Variants in CA6 observed in about 807,000 individuals in gnomAD.
The protein encoded by CA6 is carbonic anhydrase 6.
In CA6, 28 loss-of-function variants were observed where a neutral mutation model predicts 35.9. The ratio of observed to expected loss-of-function variants is 0.78; its 90% CI spans 0.58 to 1.07. CA6 has a LOEUF of 1.07. Ranked by LOEUF, CA6 falls within the 50% of genes least tolerant of loss-of-function variation. The pLI is 0.00. For missense variants in CA6, 377 were observed against 382.0 expected (o/e 0.99, Z 0.11); for synonymous variants, 148 against 152.6 (o/e 0.97, Z 0.22).
intron 7 of CA6, 181 bp from the exon 8 acceptor site, chr1:8,974,441 C>G (rs1396713080): frequency 6.5e-7 from 1 of 1,527,286 alleles, no homozygotes; most frequent in Non-Finnish European, 8.7e-7. Context: ...GCTTAGAAGC[C>G]TGAGTTCAAA....
intron 1 of CA6, among the ~76,000 whole-genome samples, chr1:8,949,056 G>A (rs1248774210): frequency 1.3e-5 from 2 of 152,050 alleles, no homozygotes; most frequent in African/African-American, 4.8e-5. Context: ...TTAGAGGTTA[G>A]CACCAAAGCC....
Position 8,962,578 on chromosome 1 carries a change from T to C in CA6, c.502-9T>C. On this transcript the variant is annotated splice_polypyrimidine_tract_variant and intron_variant, in intron 4 of 7. Coordinates refer to ENST00000377443, the MANE Select transcript of CA6 (RefSeq NM_001215.4). The stretch of plus-strand genomic sequence containing the variant: ...TCACTTACGCTCAGTGCTCTGTGTT[T>C]CTCTGCAGGTGAAGAATTACCCTGA... The C allele has an allele frequency of 1.9e-6, 3 of 1,611,806 alleles. No individual in the cohort carries two copies. The East Asian group carries it at 6.7e-5, about 36-fold the overall frequency.
intron 2 of CA6, among the ~76,000 whole-genome samples, chr1:8,949,864 G>A (rs1249392386): frequency 6.6e-6 from 1 of 152,134 alleles, no homozygotes; most frequent in East Asian, 1.9e-4. Flanking sequence ...GTTTCTCAGA[G>A]TTTTAAGAAG....
At chr1:8,964,534 C>T (rs1639922639) in intron 5 of CA6, among the ~76,000 whole-genome samples, 1 of 149,874 alleles carries the variant, frequency 6.7e-6, no homozygotes, top group South Asian at 2.1e-4. Flanking sequence ...GCATGAGCCA[C>T]CGTGCCCGGT....
At chr1:8,971,888 T>C (rs956708391) in intron 7 of CA6, among the ~76,000 whole-genome samples, 3 of 152,194 alleles carry the variant, frequency 2.0e-5, no homozygotes, top group Non-Finnish European at 4.4e-5. Context: ...AGAGTGTAAA[T>C]ATTTCACAGC....
intron 4 of CA6, among the ~76,000 whole-genome samples, chr1:8,961,191 A>G (rs1033483091): frequency 6.6e-5 from 10 of 152,226 alleles, no homozygotes; most frequent in Non-Finnish European, 1.3e-4. Flanking sequence ...TACAAGTCAT[A>G]TATAAGGATG....
At chr1:8,955,098 C>T (rs1639639747) in intron 2 of CA6, among the ~76,000 whole-genome samples, 1 of 128,626 alleles carries the variant, frequency 7.8e-6, no homozygotes, top group Non-Finnish European at 1.8e-5. Context: ...ATATATTGCC[C>T]AGGTGCCGTG....
At chr1:8,973,770 TTC>T (rs1329365313) in intron 7 of CA6, among the ~76,000 whole-genome samples, 15 of 19,730 alleles carry the variant, frequency 7.6e-4, no homozygotes, top group African/African-American at 2.3e-3. Flanking sequence ...CTTTCTTTCT[TTC>T]TTTCTTTCTT....
intron 4 of CA6, among the ~76,000 whole-genome samples, chr1:8,962,383 C>T (rs2124172862): frequency 6.6e-6 from 1 of 152,220 alleles, no homozygotes; most frequent in Non-Finnish European, 1.5e-5. Context: ...TCAGATAATG[C>T]CTTTCTGGAA....
At chr1:8,954,394 A>G (rs1474272877) in intron 2 of CA6, among the ~76,000 whole-genome samples, 4 of 152,116 alleles carry the variant, frequency 2.6e-5, no homozygotes, top group African/African-American at 9.7e-5. Context: ...TGAACTCCTG[A>G]CCTCAAGTGA....
chr1:8,948,094 C>T (rs143543370), intron 1 of CA6, among the ~76,000 whole-genome samples: 2,139 of 152,156 alleles, frequency 0.014, 76 homozygotes, highest in African/African-American at 0.049. Context: ...GTGATCCACC[C>T]GCCTCGGCCT....
At chr1:8,953,710 G>T (rs899454827) in intron 2 of CA6, among the ~76,000 whole-genome samples, 3 of 152,156 alleles carry the variant, frequency 2.0e-5, no homozygotes, top group African/African-American at 7.2e-5. Context: ...ATTACCAAGA[G>T]CTTGCTTGAT....
intron 3 of CA6, among the ~76,000 whole-genome samples, chr1:8,958,697 C>T (rs970618022): frequency 6.6e-6 from 1 of 152,140 alleles, no homozygotes; most frequent in Non-Finnish European, 1.5e-5. Flanking sequence ...TTCCAGAATC[C>T]CACTCTTGCT....
chr1:8,974,375 AAGCCAAAATCCAAGAGTAC>A (rs1640209960), intron 7 of CA6: 3 of 1,533,628 alleles, frequency 2.0e-6, no homozygotes, highest in South Asian at 2.5e-5. Flanking sequence ...ATCGTGGGAG[AAGCCAAAATCCAAGAGTAC>A]AGCCCACCTC....
intron 7 of CA6, among the ~76,000 whole-genome samples, chr1:8,973,715 T>C (rs1400978019): frequency 7.9e-4 from 3 of 3,786 alleles, no homozygotes; most frequent in South Asian, 0.025. Flanking sequence ...TCTCTCTCTT[T>C]CTTTCTTTCT....
Position 8,967,936 on chromosome 1 carries a change from A to G in CA6, c.729+120A>G, listed in dbSNP as rs1412378507. On this transcript the variant is annotated intron_variant, in intron 6 of 7. Coordinates refer to ENST00000377443, the MANE Select transcript of CA6 (RefSeq NM_001215.4). ...GGGTCCTACAGTATTTTCTGTGTGCAGGGCTACTGTGCCTCGTCTAGCCAA... is the reference window on the plus strand; with the variant it reads ...GGGTCCTACAGTATTTTCTGTGTGCGGGGCTACTGTGCCTCGTCTAGCCAA... 2.4e-5 allele frequency: 18 copies of G among 736,900 alleles called. No individual in the cohort carries two copies. The East Asian group carries it at 4.6e-4, about 19-fold the overall frequency. The allele number at this position is 736,900 out of a possible 1,614,324, so 45.6% of individuals were successfully genotyped here.
At chr1:8,958,229 A>G (rs949404222) in intron 3 of CA6, among the ~76,000 whole-genome samples, 1 of 151,926 alleles carries the variant, frequency 6.6e-6, no homozygotes, top group Admixed American at 6.6e-5. Context: ...GTGAAGTGGC[A>G]TGATCTTGGC....
chr1:8,969,480 G>A (rs78726732), intron 6 of CA6, among the ~76,000 whole-genome samples: 3,580 of 152,140 alleles, frequency 0.024, 73 homozygotes, highest in South Asian at 0.064. Flanking sequence ...GTACTGGAAA[G>A]GTCTAGTAAA....
At chr1:8,962,537 T>A (rs755364991) in intron 4 of CA6, 50 bp from the exon 5 acceptor site, 1 of 1,449,888 alleles carries the variant, frequency 6.9e-7, no homozygotes, top group East Asian at 2.3e-5. Context: ...GTAGCGATGG[T>A]GCTGGGGCCT....
Sources: allele counts gnomAD v4.1 joint callset (sites outside exome capture counted in the v4.1 genomes callset), GRCh38; gene constraint gnomAD v4.1.1; transcripts MANE v1.5; gene names NCBI Gene and HGNC (gene_info 2026-07-23, HGNC 2026-07-21).